RBX1: variants seen among roughly 807,000 people sequenced by gnomAD.
The protein encoded by RBX1 is E3 ubiquitin-protein ligase RBX1.
For missense variants in RBX1, 46 were observed against 141.4 expected, an observed-to-expected ratio of 0.33 and a Z score of 3.42; for synonymous variants, 48 against 47.9, an observed-to-expected ratio of 1.00 and a Z score of -0.01.
intron 2 of RBX1, among the ~76,000 whole-genome samples, chr22:40,954,605 G>A (rs1412784289): frequency 1.3e-5 from 2 of 152,132 alleles, no homozygotes; most frequent in African/African-American, 2.4e-5. Context: ...TGTTACTGAG[G>A]CCAGAAATGG....
At chr22:40,953,717 C>T (rs2058317521) in intron 2 of RBX1, 84 bp downstream of exon 2, 3 of 936,898 alleles carry the variant, frequency 3.2e-6, no homozygotes, top group African/African-American at 1.6e-5. Flanking sequence ...TTCTTCTTCA[C>T]ACGAGGAGAT....
chr22:40,972,403 G>A (rs2058371508), intron 4 of RBX1, 73 bp from the exon 5 acceptor site: 10 of 1,232,460 alleles, frequency 8.1e-6, no homozygotes, highest in African/African-American at 1.5e-5. Context: ...TTGCTTATGT[G>A]TTTAAGCAGG....
intron 3 of RBX1, among the ~76,000 whole-genome samples, chr22:40,964,606 A>G (rs952514484): frequency 1.3e-5 from 2 of 152,220 alleles, no homozygotes; most frequent in South Asian, 2.1e-4. Flanking sequence ...GTGTAGCTTT[A>G]TTGGACTGAA....
At chr22:40,962,322 G>T (rs1398576191) in intron 2 of RBX1, among the ~76,000 whole-genome samples, 1 of 151,938 alleles carries the variant, frequency 6.6e-6, no homozygotes, top group Non-Finnish European at 1.5e-5. Context: ...GGCTGGTCTC[G>T]AATTCCTGAC....
chr22:40,957,448 C>G (rs1309345277), intron 2 of RBX1, among the ~76,000 whole-genome samples: 1 of 151,508 alleles, frequency 6.6e-6, no homozygotes, highest in Non-Finnish European at 1.5e-5. Flanking sequence ...GAGTTCAAGA[C>G]CAGCCTGGGC....
chr22:40,951,610 AGCCGGGGG>A lies in RBX1; in HGVS notation c.78+137_78+144del. ...CCTGGGACCGGGTACCACGAAAGGA[AGCCGGGGG>A]GCGGGTCTTAGAGTTGATCGGCGTG... On this transcript the variant is annotated intron_variant, in intron 1 of 4. Coordinates refer to ENST00000216225, the MANE Select transcript of RBX1 (RefSeq NM_014248.4). 3 of 805,434 alleles carry A rather than the reference AGCCGGGGG, an allele frequency of 3.7e-6. No individual in the cohort carries two copies. The South Asian group carries it at 5.2e-5, about 14-fold the overall frequency. The allele number at this position is 805,434 out of a possible 1,614,324, so 49.9% of individuals were successfully genotyped here. A position where few individuals can be genotyped will look rare whatever the true frequency, so the allele number is the denominator to read the frequency against.
At position 40,972,571 on chromosome 22, in the gene RBX1, G is replaced by A; in HGVS notation, c.*83G>A. The A allele has an allele frequency of 8.7e-7, 1 of 1,146,972 alleles. No homozygotes were observed. Among genetic ancestry groups the A allele is most frequent in the Non-Finnish European group, 1.3e-6 (1 of 766,462 alleles). The allele number at this position is 1,146,972 out of a possible 1,614,324, so 71.0% of individuals were successfully genotyped here. A position where few individuals can be genotyped will look rare whatever the true frequency, so the allele number is the denominator to read the frequency against. On this transcript the variant is annotated 3_prime_UTR_variant, in exon 5 of 5. Transcript: ENST00000216225. ...GCTGTTACCTAATTACAAATTGGAT[G>A]GAACTGTGTTTTTTTCTGCTTTGTT...
intron 2 of RBX1, among the ~76,000 whole-genome samples, chr22:40,961,310 C>A (rs1283385781): frequency 6.6e-6 from 1 of 151,836 alleles, no homozygotes; most frequent in Non-Finnish European, 1.5e-5. Flanking sequence ...GTCTTGAATT[C>A]GTGGGCTAAA....
chr22:40,960,793 C>G (rs2058337693), intron 2 of RBX1, among the ~76,000 whole-genome samples: 1 of 152,286 alleles, frequency 6.6e-6, no homozygotes, highest in Middle Eastern at 3.4e-3. Flanking sequence ...GAGTCTCGCT[C>G]TTTCACCCAG....
At chr22:40,970,358 A>T (rs1279607249) in intron 4 of RBX1, among the ~76,000 whole-genome samples, 1 of 152,068 alleles carries the variant, frequency 6.6e-6, no homozygotes, top group East Asian at 1.9e-4. Flanking sequence ...CTCAAAAAAA[A>T]AAAAAAAGGA....
At chr22:40,970,061 A>C (rs979175635) in intron 4 of RBX1, among the ~76,000 whole-genome samples, 3 of 150,930 alleles carry the variant, frequency 2.0e-5, no homozygotes, top group Admixed American at 6.6e-5. Context: ...TTTAAAAAAA[A>C]AAAAAAAAAA....
At chr22:40,961,367 G>T (rs2058339707) in intron 2 of RBX1, among the ~76,000 whole-genome samples, 1 of 151,900 alleles carries the variant, frequency 6.6e-6, no homozygotes, top group Non-Finnish European at 1.5e-5. Flanking sequence ...TTACAGGTGT[G>T]AGCGACTGTG....
chr22:40,963,921 T>G (rs755251888), intron 2 of RBX1, 126 bp from the exon 3 acceptor site: 11 of 700,586 alleles, frequency 1.6e-5, no homozygotes, highest in Non-Finnish European at 2.8e-5. Context: ...TTCTCTGTTC[T>G]TCCTTTCCCA....
chr22:40,966,949 C>T (rs1035338745), intron 3 of RBX1: 4 of 152,126 alleles, frequency 2.6e-5, no homozygotes, highest in African/African-American at 9.7e-5. Flanking sequence ...CATGAGCCCA[C>T]GCCAAAAAAC....
intron 2 of RBX1, among the ~76,000 whole-genome samples, chr22:40,959,776 C>T (rs1250507597): frequency 6.6e-6 from 1 of 151,662 alleles, no homozygotes; most frequent in African/African-American, 2.4e-5. Context: ...GCACCAGTGC[C>T]CTCCGGCCTG....
intron 3 of RBX1, among the ~76,000 whole-genome samples, chr22:40,965,252 G>A (rs575634341): frequency 2.0e-5 from 3 of 150,980 alleles, no homozygotes; most frequent in Admixed American, 2.0e-4. Context: ...GTAGTGAGCC[G>A]AGACCACACC....
At chr22:40,971,321 A>G (rs1413907286) in intron 4 of RBX1, among the ~76,000 whole-genome samples, 1 of 152,184 alleles carries the variant, frequency 6.6e-6, no homozygotes, top group Non-Finnish European at 1.5e-5. Context: ...CACATGCTAG[A>G]GCCTAACCTA....
At chr22:40,960,144 G>C (rs375782801) in intron 2 of RBX1, among the ~76,000 whole-genome samples, 1 of 152,004 alleles carries the variant, frequency 6.6e-6, no homozygotes, top group Non-Finnish European at 1.5e-5. Context: ...TATTTGTCCC[G>C]TATTTCTTCT....
At chr22:40,971,714 G>A (rs1169203816) in intron 4 of RBX1, among the ~76,000 whole-genome samples, 3 of 151,884 alleles carry the variant, frequency 2.0e-5, no homozygotes, top group Admixed American at 6.6e-5. Flanking sequence ...CTGCCACCAC[G>A]CCCAGCTAAT....
Sources: allele counts gnomAD v4.1 joint callset (sites outside exome capture counted in the v4.1 genomes callset), GRCh38; gene constraint gnomAD v4.1.1; transcripts MANE v1.5; gene names NCBI Gene and HGNC (gene_info 2026-07-23, HGNC 2026-07-21).